The following VAT1L variants were observed in gnomAD, a reference collection of about 807,000 sequenced individuals.
VAT1L encodes the protein vesicle amine transport 1 like.
Under a neutral mutation model 44.1 loss-of-function variants are expected in VAT1L, and 34 were observed. The ratio of observed to expected loss-of-function variants is 0.77; its 90% CI spans 0.59 to 1.03. The LOEUF is 1.03. Among genes scored for constraint, VAT1L ranks in the 50% least tolerant of loss-of-function variants. The probability of loss-of-function intolerance (pLI) is 0.00; values close to 1 mark genes in which losing one functional copy is unlikely to be tolerated. For missense variants in VAT1L, 615 were observed against 538.8 expected, an observed-to-expected ratio of 1.14 and a Z score of -1.40; for synonymous variants, 253 against 202.2, an observed-to-expected ratio of 1.25 and a Z score of -2.13.
intron 7 of VAT1L, among the ~76,000 whole-genome samples, chr16:77,949,305 A>G (rs2018011556): frequency 6.6e-6 from 1 of 152,168 alleles, no homozygotes; most frequent in Non-Finnish European, 1.5e-5. Flanking sequence ...TGGAGCGAGT[A>G]AGTCAAGGGA....
chr16:77,858,253 C>T (rs180688930), intron 3 of VAT1L, among the ~76,000 whole-genome samples: 2 of 152,124 alleles, frequency 1.3e-5, no homozygotes, highest in Non-Finnish European at 2.9e-5. Context: ...GAAAGGATTC[C>T]TGGGGATGGA....
intron 2 of VAT1L, among the ~76,000 whole-genome samples, chr16:77,824,731 G>A (rs1293222791): frequency 6.8e-6 from 1 of 147,644 alleles, no homozygotes; most frequent in Non-Finnish European, 1.5e-5. Context: ...CCTCCAGCCT[G>A]GGTGACAGAG....
chr16:77,937,052 CTTTTTA>C (rs1422653789), intron 7 of VAT1L, among the ~76,000 whole-genome samples: 1 of 152,010 alleles, frequency 6.6e-6, no homozygotes, highest in African/African-American at 2.4e-5. Context: ...GCCCGGCTAA[CTTTTTA>C]TTTTTAGTAG....
At chr16:77,844,104 T>C (rs2016733955) in intron 3 of VAT1L, among the ~76,000 whole-genome samples, 1 of 152,146 alleles carries the variant, frequency 6.6e-6, no homozygotes, top group Non-Finnish European at 1.5e-5. Flanking sequence ...CACACACACA[T>C]ATACATATTA....
At position 77,884,323 on chromosome 16, in the gene VAT1L, C is replaced by G. The variant is rs1270757657; in HGVS notation, c.883-285C>G. Among the ~76,000 whole-genome samples the G allele has an allele frequency of 6.6e-6, 1 of 152,032 alleles. No individual in the cohort carries two copies. Among genetic ancestry groups the G allele is most frequent in the African/African-American group, 2.4e-5 (1 of 41,390 alleles). ...CCTGTAATCCCAGCTACTCGGGAGG[C>G]TGGGGCAGAGAATTACTTGAACCCG... is the stretch of plus-strand genomic sequence containing the variant. On this transcript the variant is annotated intron_variant, in intron 6 of 8. Transcript: ENST00000302536. The surrounding 1 kb of genome is among the most constrained non-coding windows in gnomAD (Gnocchi z 4.5).
At chr16:77,797,226 C>T (rs2015953930) in intron 1 of VAT1L, among the ~76,000 whole-genome samples, 2 of 151,956 alleles carry the variant, frequency 1.3e-5, no homozygotes, top group Non-Finnish European at 1.5e-5. Context: ...ATTTTCCTGC[C>T]TCAGCCTCCT....
chr16:77,887,798 T>C (rs1446799620), intron 7 of VAT1L, among the ~76,000 whole-genome samples: 1 of 152,208 alleles, frequency 6.6e-6, no homozygotes, highest in Non-Finnish European at 1.5e-5. Context: ...CACTGTCGTC[T>C]AAGCTGGGTG....
At chr16:77,942,048 T>G (rs750432190) in intron 7 of VAT1L, among the ~76,000 whole-genome samples, 2 of 152,212 alleles carry the variant, frequency 1.3e-5, no homozygotes, top group Non-Finnish European at 2.9e-5. Flanking sequence ...TGGTTTTGAT[T>G]CGCATTTCTC....
At chr16:77,804,007 C>G (rs890716250) in intron 1 of VAT1L, among the ~76,000 whole-genome samples, 1 of 152,112 alleles carries the variant, frequency 6.6e-6, no homozygotes, top group Admixed American at 6.6e-5. Flanking sequence ...CTTGTACAGC[C>G]TCCTCTTATG....
At chr16:77,917,174 G>C (rs972562234) in intron 7 of VAT1L, among the ~76,000 whole-genome samples, 1 of 152,086 alleles carries the variant, frequency 6.6e-6, no homozygotes, top group Non-Finnish European at 1.5e-5. Flanking sequence ...CTAGAGAGAC[G>C]ATAAGAGGGG....
chr16:77,947,089 C>T (rs906870811), intron 7 of VAT1L, among the ~76,000 whole-genome samples: 2 of 152,208 alleles, frequency 1.3e-5, no homozygotes, highest in African/African-American at 4.8e-5. Context: ...GGGAAGGACA[C>T]AGGAAAGAAA....
At chr16:77,885,651 G>C (rs769087871) in intron 7 of VAT1L, among the ~76,000 whole-genome samples, 26 of 151,000 alleles carry the variant, frequency 1.7e-4, no homozygotes, top group Non-Finnish European at 2.8e-4. Context: ...TTTTTTCATT[G>C]TTTTGCATTT....
chr16:77,928,464 T>A (rs2017693314), intron 7 of VAT1L, among the ~76,000 whole-genome samples: 1 of 152,178 alleles, frequency 6.6e-6, no homozygotes, highest in Non-Finnish European at 1.5e-5. Flanking sequence ...GTATTGAGAT[T>A]TTTCATAACA....
At chr16:77,851,823 C>T (rs1051411726) in intron 3 of VAT1L, among the ~76,000 whole-genome samples, 8 of 152,148 alleles carry the variant, frequency 5.3e-5, no homozygotes, top group African/African-American at 1.9e-4. Flanking sequence ...CATAGCTAGG[C>T]TGCAAACTCC....
chr16:77,801,387 G>A (rs1387346547), intron 1 of VAT1L: 2 of 152,188 alleles, frequency 1.3e-5, no homozygotes, highest in East Asian at 3.9e-4. Flanking sequence ...AGTAATAGCT[G>A]AAAAGAACGT....
At chr16:77,931,856 A>G (rs1054851175) in intron 7 of VAT1L, among the ~76,000 whole-genome samples, 1 of 152,210 alleles carries the variant, frequency 6.6e-6, no homozygotes, top group Non-Finnish European at 1.5e-5. Context: ...AAATCACCTA[A>G]GCAACTATGT....
intron 7 of VAT1L, among the ~76,000 whole-genome samples, chr16:77,897,913 G>A (rs2017341105): frequency 6.6e-6 from 1 of 152,070 alleles, no homozygotes; most frequent in Admixed American, 6.6e-5. Flanking sequence ...AGTTTGCTAG[G>A]GCTGTTGTAA....
chr16:77,789,930 A>C (rs1002914276), intron 1 of VAT1L, among the ~76,000 whole-genome samples: 2 of 152,124 alleles, frequency 1.3e-5, no homozygotes, highest in African/African-American at 2.4e-5. Context: ...CTAGGTTTGC[A>C]TGTTAAACTT....
intron 7 of VAT1L, among the ~76,000 whole-genome samples, chr16:77,895,200 C>G (rs1176126029): frequency 6.6e-6 from 1 of 151,962 alleles, no homozygotes; most frequent in African/African-American, 2.4e-5. Context: ...CACTATCACG[C>G]CCCCAGGCCC....
Sources: gnomAD v4.1 joint callset for allele counts (sites outside exome capture counted in the v4.1 genomes callset) on GRCh38, gnomAD v4.1.1 for gene constraint, Gnocchi (gnomAD v3.1) non-coding constraint, MANE v1.5 for transcripts, NCBI Gene and HGNC (gene_info 2026-07-23, HGNC 2026-07-21) for gene names.